The following BTAF1 variants were observed in gnomAD, a reference collection of about 807,000 sequenced individuals.
The protein encoded by BTAF1 is TATA-binding protein-associated factor 172.
BTAF1 carries 38 observed loss-of-function variants against 227.1 expected under a neutral mutation model. That is an observed-to-expected ratio of 0.17 (90% CI 0.13 to 0.22). The LOEUF is 0.22. Ranked by LOEUF, BTAF1 falls within the 10% of genes least tolerant of loss-of-function variation. The pLI, the probability that BTAF1 is intolerant of heterozygous loss-of-function variation, is 1.00. For missense variants in BTAF1, 1,598 were observed against 2,204.0 expected, an observed-to-expected ratio of 0.73 and a Z score of 5.51; for synonymous variants, 742 against 751.9, an observed-to-expected ratio of 0.99 and a Z score of 0.21.
In BTAF1 at chr10:92,023,721, C is replaced by T. The variant is rs554718861; in HGVS notation, c.4864-1035C>T. ...TCTTAGATTTTGTTTTTGCAACCTC[C>T]GCCTTCAGGGTTCCAGCAATTCTCC... On this transcript the variant is annotated intron_variant, in intron 34 of 37. Transcript: ENST00000265990. 9.2e-5 allele frequency among the ~76,000 whole-genome samples: 14 copies of T among 152,200 alleles called. No individual in the cohort carries two copies. In the East Asian group the frequency reaches 9.7e-4, roughly 11 times the overall value.
chr10:92,001,969 CATATA>C (rs1849565966), intron 25 of BTAF1, among the ~76,000 whole-genome samples: 1 of 109,992 alleles, frequency 9.1e-6, no homozygotes, highest in Non-Finnish European at 1.8e-5. Context: ...AAAAAAAAAC[CATATA>C]TATATATATA....
chr10:92,014,596 C>T (rs926600620), intron 32 of BTAF1, among the ~76,000 whole-genome samples: 6 of 152,050 alleles, frequency 3.9e-5, no homozygotes, highest in Admixed American at 6.6e-5. Flanking sequence ...GGAAATAAGC[C>T]AATGTTTATA....
At chr10:92,028,647 G>T in intron 37 of BTAF1, 143 bp from the exon 38 acceptor site, 2 of 737,092 alleles carry the variant, frequency 2.7e-6, no homozygotes, top group Non-Finnish European at 4.2e-6. Flanking sequence ...AATGTATTTG[G>T]AGATCATGAA....
intron 4 of BTAF1, among the ~76,000 whole-genome samples, chr10:91,950,159 GGGA>G (rs749801010): frequency 0.037 from 589 of 16,046 alleles, 37 homozygotes; most frequent in East Asian, 0.15. Context: ...GGGGGGGGGC[GGGA>G]AAGAAGACTA....
rs746217429 is a variant in BTAF1, at chr10:92,009,170, C to T, written c.4065C>T (p.Asn1355=). 3.1e-6 allele frequency: 5 copies of T among 1,614,070 alleles called. No homozygotes were observed. Among genetic ancestry groups the T allele is most frequent in the Non-Finnish European group, 4.2e-6 (5 of 1,179,992 alleles). Residue 1355 remains asparagine, a synonymous_variant, in exon 28 of 38, where the codon AAC becomes AAT. Transcript: ENST00000265990. Reference sequence around the variant, plus strand: ...AATTTTGCTCTAGAGAATATCTCAACCCGTTGCATTACACTGGACCTCCCA... The same window carrying T: ...AATTTTGCTCTAGAGAATATCTCAATCCGTTGCATTACACTGGACCTCCCA... ...VGKFCSREYL[N]PLHYTGPPTE... is the part of the protein sequence containing the mutation.
intron 35 of BTAF1, among the ~76,000 whole-genome samples, chr10:92,025,228 C>T (rs886176129): frequency 6.6e-6 from 1 of 152,088 alleles, no homozygotes; most frequent in African/African-American, 2.4e-5. Context: ...CATCAACCAA[C>T]AGTAAGGATA....
chr10:91,998,127 C>CAAAA (rs55642022), intron 25 of BTAF1, among the ~76,000 whole-genome samples: 32 of 98,872 alleles, frequency 3.2e-4, no homozygotes, highest in Non-Finnish European at 4.2e-4. Context: ...GACTCCATCT[C>CAAAA]AAAAAAAAAA....
chr10:92,005,453 A>T (rs1366070021), intron 25 of BTAF1, among the ~76,000 whole-genome samples: 2 of 152,038 alleles, frequency 1.3e-5, no homozygotes, highest in African/African-American at 4.8e-5. Context: ...AAGAACATTT[A>T]TTTTCCATAT....
chr10:91,989,156 C>T lies in BTAF1; in HGVS notation c.2430C>T (p.Val810=), dbSNP rs779841032. The part of the protein sequence containing the change: ...VLTIDQASDL[V]TTVFNEATSS... ...TTAATTTCTTTTTTTTTTAATAGGT[C>T]ACTACTGTTTTTAATGAAGCCACAT... The change falls in exon 20 of 38, where the codon GTC becomes GTT. Residue 810 remains valine, a splice_region_variant and synonymous_variant. Transcript: ENST00000265990. 7 of 1,604,636 alleles carry T rather than the reference C, an allele frequency of 4.4e-6. No homozygotes were observed. In the Admixed American group the frequency reaches 6.8e-5, roughly 16 times the overall value.
At chr10:92,023,018 T>C (rs575904543) in intron 34 of BTAF1, among the ~76,000 whole-genome samples, 2 of 152,266 alleles carry the variant, frequency 1.3e-5, no homozygotes, top group East Asian at 3.9e-4. Flanking sequence ...CAGGGAAGAT[T>C]ATTAGAGATT....
Position 92,027,243 on chromosome 10 carries a change from T to C in BTAF1, c.5349T>C (p.Asn1783=). 1 of 1,613,990 alleles carries C rather than the reference T, an allele frequency of 6.2e-7. No individual in the cohort carries two copies. Among genetic ancestry groups the C allele is most frequent in the Non-Finnish European group, 8.5e-7 (1 of 1,179,938 alleles). ...NIANTVISQE[N]SSLQSMGTDQ... ...CGAATACTGTTATTAGCCAAGAGAA[T>C]TCTAGTTTGCAGAGCATGGGGACTG... The change falls in exon 37 of 38, where the codon AAT becomes AAC. Residue 1783 remains asparagine, a synonymous_variant. Transcript: ENST00000265990.
At chr10:91,931,344 A>G (rs1844263185) in intron 1 of BTAF1, among the ~76,000 whole-genome samples, 1 of 152,236 alleles carries the variant, frequency 6.6e-6, no homozygotes, top group South Asian at 2.1e-4. Context: ...TGGATATTAC[A>G]AAATATAATT....
At chr10:92,007,640 G>A (rs1037438521) in intron 25 of BTAF1, among the ~76,000 whole-genome samples, 1 of 152,176 alleles carries the variant, frequency 6.6e-6, no homozygotes, top group African/African-American at 2.4e-5. Context: ...AGAGGTACAC[G>A]CAGTTTTCTC....
chr10:91,992,445 C>A, intron 21 of BTAF1, 136 bp downstream of exon 21: 1 of 798,862 alleles, frequency 1.3e-6, no homozygotes, highest in Non-Finnish European at 1.9e-6. Flanking sequence ...AGTACTCCAA[C>A]AATATGATCC....
chr10:91,954,978 G>A (rs913515922), intron 6 of BTAF1, among the ~76,000 whole-genome samples: 1 of 152,192 alleles, frequency 6.6e-6, no homozygotes, highest in African/African-American at 2.4e-5. Context: ...ATTTGCAAAT[G>A]ACAGAACTTT....
intron 14 of BTAF1, 60 bp from the exon 15 acceptor site, chr10:91,980,394 C>A: frequency 1.6e-6 from 2 of 1,213,010 alleles, no homozygotes; most frequent in Non-Finnish European, 2.4e-6. Context: ...TATAATTCTT[C>A]AGGTAAGCTA....
chr10:92,027,236 A>G lies in BTAF1; in HGVS notation c.5342A>G (p.Gln1781Arg), dbSNP rs775898923. ...AACATAGCGAATACTGTTATTAGCC[A>G]AGAGAATTCTAGTTTGCAGAGCATG... ...KMNIANTVIS[Q>R]ENSSLQSMGT... The change falls in exon 37 of 38, where the codon CAA becomes CGA. Residue 1781 changes from glutamine (Q) to arginine (R), a missense_variant. Coordinates refer to ENST00000265990, the MANE Select transcript of BTAF1 (RefSeq NM_003972.3). 1 of 1,614,104 alleles carries G rather than the reference A, an allele frequency of 6.2e-7. No individual in the cohort carries two copies. Among genetic ancestry groups the G allele is most frequent in the Non-Finnish European group, 8.5e-7 (1 of 1,179,978 alleles).
In BTAF1 at chr10:91,992,323, T is replaced by G; in HGVS notation, c.3045+14T>G. ...GAACTTGATGAGGTAAGTAGTTTTT[T>G]TTTTTTTTTAATGCTTTGATTTTTA... On this transcript the variant is annotated intron_variant, in intron 21 of 37. Transcript: ENST00000265990. 5 of 1,551,848 alleles carry G rather than the reference T, an allele frequency of 3.2e-6. No individual in the cohort carries two copies. The highest frequency in any genetic ancestry group is 1.7e-4 in the Middle Eastern group (1 of 5,758).
chr10:92,001,308 G>A (rs771965926), intron 25 of BTAF1, among the ~76,000 whole-genome samples: 1 of 152,168 alleles, frequency 6.6e-6, no homozygotes, highest in Admixed American at 6.5e-5. Flanking sequence ...TCCACAGGGG[G>A]GTTCTCCCAA....
Sources: gnomAD v4.1 joint callset for allele counts (sites outside exome capture counted in the v4.1 genomes callset) on GRCh38, gnomAD v4.1.1 for gene constraint, MANE v1.5 for transcripts, NCBI Gene and HGNC (gene_info 2026-07-23, HGNC 2026-07-21) for gene names.